Variants in RBFOX1 observed in about 807,000 individuals in gnomAD.
RBFOX1 encodes RNA binding fox-1 homolog 1.
A neutral mutation model predicts 57.7 loss-of-function variants in RBFOX1; 8 were observed. That is an observed-to-expected ratio of 0.14 (90% CI 0.08 to 0.25). The LOEUF is 0.25. RBFOX1 is among the 10% of genes least tolerant of loss of function. RBFOX1 has a pLI of 1.00. For missense variants in RBFOX1, 611 were observed against 548.5 expected (o/e 1.11, Z -1.14); for synonymous variants, 326 against 222.4 (o/e 1.47, Z -4.15).
intron 4 of RBFOX1, among the ~76,000 whole-genome samples, chr16:7,153,501 C>T (rs750004360): frequency 6.6e-6 from 1 of 151,840 alleles, no homozygotes; most frequent in Non-Finnish European, 1.5e-5. Context: ...CTTTGGGAGG[C>T]TGCGGCAAGT....
At chr16:6,866,222 A>G (rs747880716) in intron 3 of RBFOX1, among the ~76,000 whole-genome samples, 1 of 151,932 alleles carries the variant, frequency 6.6e-6, no homozygotes, top group Non-Finnish European at 1.5e-5. Context: ...GTGTCTTCTC[A>G]TCATTTTTTA....
At chr16:5,894,487 C>A (rs570423634) in intron 4 of RBFOX1, among the ~76,000 whole-genome samples, 2 of 152,096 alleles carry the variant, frequency 1.3e-5, no homozygotes, top group African/African-American at 4.8e-5. Context: ...GTTGGCCTGG[C>A]TGGTCTTGAA....
chr16:5,857,864 T>C (rs1952384593), intron 3 of RBFOX1, among the ~76,000 whole-genome samples: 1 of 152,094 alleles, frequency 6.6e-6, no homozygotes, highest in African/African-American at 2.4e-5. Context: ...GGAGGATCCC[T>C]TGAGCCTGGG....
intron 2 of RBFOX1, among the ~76,000 whole-genome samples, chr16:6,362,822 A>G (rs2088837081): frequency 6.6e-6 from 1 of 152,182 alleles, no homozygotes; most frequent in South Asian, 2.1e-4. Context: ...AACTTCATTG[A>G]CCTTCACCCT....
chr16:5,972,783 C>G (rs747231264), intron 4 of RBFOX1, among the ~76,000 whole-genome samples: 1 of 152,204 alleles, frequency 6.6e-6, no homozygotes, highest in African/African-American at 2.4e-5. Flanking sequence ...AATCTCCTAT[C>G]TGTTTGCCAC....
At chr16:6,667,952 C>T (rs1235140452) in intron 3 of RBFOX1, among the ~76,000 whole-genome samples, 3 of 152,066 alleles carry the variant, frequency 2.0e-5, no homozygotes, top group Admixed American at 6.6e-5. Context: ...AATCTGCTTT[C>T]GTCCTACTCT....
intron 12 of RBFOX1, among the ~76,000 whole-genome samples, chr16:7,664,291 G>C (rs4787055): frequency 0.87 from 132,338 of 152,262 alleles, 57,578 homozygotes; most frequent in East Asian, 0.93. Context: ...TGTCTGCACA[G>C]AAAACACATT....
intron 4 of RBFOX1, among the ~76,000 whole-genome samples, chr16:7,097,142 T>C (rs1364022086): frequency 6.6e-6 from 1 of 152,022 alleles, no homozygotes; most frequent in African/African-American, 2.4e-5. Context: ...AGAGAGGTAT[T>C]GTGAATGGTG....
Position 5,612,297 on chromosome 16 carries a change from C to A in RBFOX1, c.318+13336C>A, listed in dbSNP as rs569066584. On this transcript the variant is annotated intron_variant, in intron 3 of 19. Transcript: ENST00000641259. ...CCCAGTCACTCTCCCATCCACCCAC[C>A]CACCCACTTTCCCATCTACTCATCC... Among the ~76,000 whole-genome samples the A allele has an allele frequency of 1.4e-3, 211 of 152,182 alleles. 1 individual carries two copies. The highest frequency in any genetic ancestry group is 2.4e-3 in the Non-Finnish European group (160 of 68,014).
chr16:7,695,863 G>A (rs1012963765), intron 14 of RBFOX1, among the ~76,000 whole-genome samples: 1 of 152,082 alleles, frequency 6.6e-6, no homozygotes, highest in Non-Finnish European at 1.5e-5. Flanking sequence ...TCAGTGTGGG[G>A]TTTGATGGAT....
chr16:6,644,185 C>G (rs761777195), intron 2 of RBFOX1, among the ~76,000 whole-genome samples: 2 of 152,118 alleles, frequency 1.3e-5, no homozygotes, highest in African/African-American at 4.8e-5. Context: ...AGCATCTAAA[C>G]TCATATTCAG....
chr16:5,561,461 C>A (rs1005843481), intron 2 of RBFOX1, among the ~76,000 whole-genome samples: 4 of 151,878 alleles, frequency 2.6e-5, no homozygotes, highest in Admixed American at 2.6e-4. Context: ...TCTTTCCTGC[C>A]TTATAGACAC....
chr16:5,403,135 G>A (rs542755649), intron 1 of RBFOX1, among the ~76,000 whole-genome samples: 3 of 152,166 alleles, frequency 2.0e-5, no homozygotes, highest in Non-Finnish European at 2.9e-5. Context: ...CGGATCACCT[G>A]AGGTTGGGAG....
chr16:7,300,449 TGTC>T (rs1283828898), intron 4 of RBFOX1, among the ~76,000 whole-genome samples: 2 of 152,226 alleles, frequency 1.3e-5, no homozygotes, highest in African/African-American at 4.8e-5. Flanking sequence ...GAGACTATAT[TGTC>T]GTCCACATTA....
chr16:5,832,885 TA>T (rs1374865904), intron 3 of RBFOX1, among the ~76,000 whole-genome samples: 1 of 151,804 alleles, frequency 6.6e-6, no homozygotes, highest in Admixed American at 6.5e-5. Flanking sequence ...ATGATAAGGT[TA>T]AAGGGTCCTC....
chr16:7,016,341 G>A (rs749709960), intron 3 of RBFOX1, among the ~76,000 whole-genome samples: 5 of 152,144 alleles, frequency 3.3e-5, no homozygotes, highest in Non-Finnish European at 7.3e-5. Flanking sequence ...TGGTGTCATG[G>A]TATAAACTAG....
At chr16:6,174,183 C>T (rs115345110) in intron 1 of RBFOX1, among the ~76,000 whole-genome samples, 2 of 152,118 alleles carry the variant, frequency 1.3e-5, no homozygotes, top group Non-Finnish European at 2.9e-5. Flanking sequence ...CTTTATTCCT[C>T]GAATTTGCTG....
chr16:7,596,063 T>A (rs573979127), intron 8 of RBFOX1, among the ~76,000 whole-genome samples: 9 of 150,120 alleles, frequency 6.0e-5, no homozygotes, highest in African/African-American at 2.2e-4. Context: ...TAAACCAAAT[T>A]GGGAAAGCAA....
rs980700711 is a variant in RBFOX1 at position 6,772,134 on chromosome 16, A to C, written c.-16+117484A>C. ...CTTTCAATGCTGTTAACTTCCCCCA[A>C]GTTTGTGGTCTGTTGGTGGTTCCGG... On this transcript the variant is annotated intron_variant, in intron 3 of 15. Coordinates refer to ENST00000550418, the MANE Select transcript of RBFOX1 (RefSeq NM_018723.4). Among the ~76,000 whole-genome samples the C allele has an allele frequency of 7.2e-5, 11 of 151,924 alleles. 1 individual carries two copies. The highest frequency in any genetic ancestry group is 5.2e-4 in the Admixed American group (8 of 15,258).
Sources: gnomAD v4.1 joint callset for allele counts (sites outside exome capture counted in the v4.1 genomes callset) on GRCh38, gnomAD v4.1.1 for gene constraint, MANE v1.5 for transcripts, NCBI Gene and HGNC (gene_info 2026-07-23, HGNC 2026-07-21) for gene names.